Variants in EPHX2 observed in about 807,000 individuals in gnomAD.
EPHX2 encodes the protein bifunctional epoxide hydrolase 2.
In EPHX2, 74 loss-of-function variants were observed where a neutral mutation model predicts 78.7. The ratio of observed to expected loss-of-function variants is 0.94; its 90% CI spans 0.78 to 1.14. EPHX2 has a LOEUF of 1.14. Among genes scored for constraint, EPHX2 ranks in the 50% most tolerant of loss-of-function variants. The probability of loss-of-function intolerance (pLI) is 0.00; values close to 1 mark genes in which losing one functional copy is unlikely to be tolerated. For missense variants in EPHX2, 715 were observed against 702.5 expected, an observed-to-expected ratio of 1.02 and a Z score of -0.20; for synonymous variants, 251 against 255.2, an observed-to-expected ratio of 0.98 and a Z score of 0.16.
intron 6 of EPHX2, among the ~76,000 whole-genome samples, chr8:27,512,995 G>C (rs1170353114): frequency 6.6e-6 from 1 of 152,160 alleles, no homozygotes; most frequent in Admixed American, 6.5e-5. Flanking sequence ...GGAGACCTTG[G>C]GGACCCTTGC....
intron 1 of EPHX2, among the ~76,000 whole-genome samples, chr8:27,494,878 A>G (rs188966340): frequency 3.9e-4 from 60 of 152,290 alleles, no homozygotes; most frequent in African/African-American, 9.1e-4. Context: ...GGAGAAAACT[A>G]TGCCCCCATG....
intron 4 of EPHX2, among the ~76,000 whole-genome samples, 194 bp from the exon 5 acceptor site, chr8:27,506,678 T>G (rs1814017017): frequency 6.6e-6 from 1 of 152,238 alleles, no homozygotes; most frequent in African/African-American, 2.4e-5. Flanking sequence ...CAGAAGTGGC[T>G]GAAGCCAGTA....
rs1813895059 is a variant in EPHX2 at position 27,503,865 on chromosome 8, T to C, written c.346+102T>C. 3 of 1,381,848 alleles carry C rather than the reference T, an allele frequency of 2.2e-6. No homozygotes were observed. The Admixed American group carries it at 7.0e-5, about 32-fold the overall frequency. The allele number at this position is 1,381,848 out of a possible 1,614,324, so 85.6% of individuals were successfully genotyped here. ...GTGAGCTTTGAGATCACAGATCTTC[T>C]GAGCCACGATGGAAAGCCTCTTTAA... On this transcript the variant is annotated intron_variant, in intron 3 of 18. Transcript: ENST00000521400.
chr8:27,522,620 C>T (rs531537085), intron 11 of EPHX2, 112 bp downstream of exon 11: 4 of 1,055,846 alleles, frequency 3.8e-6, no homozygotes, highest in African/African-American at 3.2e-5. Flanking sequence ...AGTAGGTAGT[C>T]TGGGAAGGTG....
At position 27,503,540 on chromosome 8, in the gene EPHX2, A is replaced by C; in HGVS notation, c.187-64A>C. 2.0e-6 allele frequency: 3 copies of C among 1,513,688 alleles called. No homozygotes were observed. The South Asian group carries it at 3.7e-5, about 19-fold the overall frequency. 93.8% of individuals were successfully genotyped at this position (1,513,688 alleles called of 1,614,324 possible). A position where few individuals can be genotyped will look rare whatever the true frequency, so the allele number is the denominator to read the frequency against. ...ACAGGGAATGTATATGTTTAGATTTAGTAGACCCTGCCAGAGCTTTTCTGA... is the reference window on the plus strand; with the variant it reads ...ACAGGGAATGTATATGTTTAGATTTCGTAGACCCTGCCAGAGCTTTTCTGA... On this transcript the variant is annotated intron_variant, in intron 2 of 18. Transcript: ENST00000521400.
At chr8:27,505,194 C>G (rs754846822) in intron 4 of EPHX2, 48 bp downstream of exon 4, 1 of 1,593,486 alleles carries the variant, frequency 6.3e-7, no homozygotes, top group Admixed American at 1.7e-5. Context: ...AGAGATATTG[C>G]AACCAGGGAA....
At chr8:27,543,975 C>T in intron 17 of EPHX2, 146 bp downstream of exon 17, 1 of 979,206 alleles carries the variant, frequency 1.0e-6, no homozygotes, top group South Asian at 1.5e-5. Flanking sequence ...CACTGTCCCC[C>T]CATTGCAAGC....
intron 13 of EPHX2, among the ~76,000 whole-genome samples, chr8:27,537,726 A>G (rs2132793794): frequency 6.6e-6 from 1 of 151,808 alleles, no homozygotes; most frequent in African/African-American, 2.4e-5. Flanking sequence ...TTATGTTTTC[A>G]ATTATTTTAA....
chr8:27,515,103 T>G (rs923885284), intron 6 of EPHX2, among the ~76,000 whole-genome samples: 2 of 152,068 alleles, frequency 1.3e-5, no homozygotes, highest in Non-Finnish European at 2.9e-5. Context: ...GCCTGGCCCC[T>G]CCTCCTCCTG....
chr8:27,497,312 G>T (rs753401742), intron 1 of EPHX2, among the ~76,000 whole-genome samples: 5 of 152,196 alleles, frequency 3.3e-5, no homozygotes, highest in African/African-American at 4.8e-5. Flanking sequence ...GATTGCCTTG[G>T]CATAGTGGAC....
chr8:27,501,110 C>A, intron 2 of EPHX2, 100 bp downstream of exon 2: 1 of 956,734 alleles, frequency 1.0e-6, no homozygotes, highest in South Asian at 1.5e-5. Context: ...AAACACCCAC[C>A]TTTTCTGTGA....
At chr8:27,512,099 A>AC in intron 6 of EPHX2, 189 bp downstream of exon 6, 56 of 384,324 alleles carry the variant, frequency 1.5e-4, no homozygotes, top group Middle Eastern at 7.0e-4. Context: ...CCCTGTCTCA[A>AC]GAAAAAAAAA....
intron 6 of EPHX2, among the ~76,000 whole-genome samples, chr8:27,512,524 A>G (rs1361406779): frequency 6.6e-6 from 1 of 152,260 alleles, no homozygotes; most frequent in Non-Finnish European, 1.5e-5. Context: ...GGGTTATCAT[A>G]AAGCCAAGGC....
At chr8:27,519,456 A>C (rs1266166722) in intron 9 of EPHX2, among the ~76,000 whole-genome samples, 1 of 152,252 alleles carries the variant, frequency 6.6e-6, no homozygotes, top group Non-Finnish European at 1.5e-5. Flanking sequence ...CACAAGGGCA[A>C]GCTCTACAGG....
chr8:27,531,131 G>A (rs1585215717), intron 12 of EPHX2, among the ~76,000 whole-genome samples: 1 of 152,198 alleles, frequency 6.6e-6, no homozygotes, highest in East Asian at 1.9e-4. Flanking sequence ...TCTTAAATTG[G>A]CAGTGTTGTG....
chr8:27,541,444 C>A, intron 15 of EPHX2, 29 bp from the exon 16 acceptor site: 1 of 1,612,408 alleles, frequency 6.2e-7, no homozygotes, highest in Non-Finnish European at 8.5e-7. Flanking sequence ...TTACTGCCTC[C>A]CTCTTTTTAC....
At chr8:27,515,113 G>C (rs957914354) in intron 6 of EPHX2, among the ~76,000 whole-genome samples, 4 of 152,166 alleles carry the variant, frequency 2.6e-5, no homozygotes, top group African/African-American at 7.2e-5. Context: ...TCCTCCTCCT[G>C]TGTGGAAACT....
intron 1 of EPHX2, among the ~76,000 whole-genome samples, chr8:27,495,318 A>C: frequency 6.6e-6 from 1 of 152,352 alleles, no homozygotes; most frequent in African/African-American, 2.4e-5. Flanking sequence ...CCCTGGGGAA[A>C]GAGGCTTACT....
At chr8:27,535,436 A>G (rs935971932) in intron 12 of EPHX2, among the ~76,000 whole-genome samples, 1 of 151,958 alleles carries the variant, frequency 6.6e-6, no homozygotes, top group Non-Finnish European at 1.5e-5. Context: ...CGGCCTCCCA[A>G]AGCTCTGGGA....
Sources: allele counts gnomAD v4.1 joint callset (sites outside exome capture counted in the v4.1 genomes callset), GRCh38; gene constraint gnomAD v4.1.1; transcripts MANE v1.5; gene names NCBI Gene and HGNC (gene_info 2026-07-23, HGNC 2026-07-21).